The following GATA5 variants were observed in gnomAD, a reference collection of about 807,000 sequenced individuals.
The protein encoded by GATA5 is transcription factor GATA-5.
Under a neutral mutation model 35.0 loss-of-function variants are expected in GATA5, and 27 were observed. The ratio of observed to expected loss-of-function variants is 0.77; its 90% CI spans 0.57 to 1.06. The LOEUF (loss-of-function observed/expected upper bound fraction) is 1.06, where lower values mean the gene tolerates loss of function less well. GATA5 is among the 50% of genes least tolerant of loss of function. The pLI is 0.00. For synonymous variants in GATA5, 306 were observed against 267.8 expected, an observed-to-expected ratio of 1.14 and a Z score of -1.39; for missense variants, 612 against 580.0, an observed-to-expected ratio of 1.06 and a Z score of -0.57.
At chr20:62,468,825 C>A (rs1360829408) in intron 3 of GATA5, among the ~76,000 whole-genome samples, 3 of 152,232 alleles carry the variant, frequency 2.0e-5, no homozygotes, top group Non-Finnish European at 2.9e-5. Flanking sequence ...CAGGCCCCAG[C>A]AGAGCTGGGA....
In GATA5 at chr20:62,470,896, C is replaced by T. The variant is rs1176201965; in HGVS notation, c.699+2507G>A. ...AACAGGGTCCTCCCCCAGGAGGCAC[C>T]CCAAAGCCCACCCTGTCTACCCCAG... On this transcript the variant is annotated intron_variant, in intron 3 of 6. Transcript: ENST00000252997. This position sits in a 1 kb window ranked among gnomAD's most constrained non-coding sequence, Gnocchi z 4.6. 2.0e-5 allele frequency among the ~76,000 whole-genome samples: 3 copies of T among 152,276 alleles called. No individual in the cohort carries two copies. In the East Asian group the frequency reaches 5.8e-4, roughly 29 times the overall value.
Position 62,475,044 on chromosome 20 carries a change from C to A in GATA5, c.478G>T (p.Asp160Tyr). ...GGGAGGCCGTGCAGGACGCTGCCAT[C>A]GAAGGGCCCGGCAGTCCAGGACTGG... ...VAQSWTAGPF[D>Y]GSVLHGLPGR... The change falls in exon 2 of 7, where the codon GAT becomes TAT. Residue 160 changes from aspartate to tyrosine, a missense_variant. Physicochemically the swap from Asp to Tyr is radical, Grantham distance 160 (BLOSUM62 -3). Coordinates refer to ENST00000252997, the MANE Select transcript of GATA5 (RefSeq NM_080473.5). 2 of 1,405,156 alleles carry A rather than the reference C, an allele frequency of 1.4e-6. No individual in the cohort carries two copies. The highest frequency in any genetic ancestry group is 1.9e-6 in the Non-Finnish European group (2 of 1,073,822). The allele number at this position is 1,405,156 out of a possible 1,614,324, so 87.0% of individuals were successfully genotyped here.
Position 62,475,438 on chromosome 20 carries a change from G to C in GATA5, c.84C>G (p.Ala28=), listed in dbSNP as rs1989834810. Residue 28 remains alanine (A), a synonymous_variant, in exon 2 of 7, where the codon GCC becomes GCG. Transcript: ENST00000252997. ...DSGSFLHAPG[A]GSPMFVPPAR... is the part of the protein sequence containing the mutation. The stretch of plus-strand genomic sequence containing the variant: ...CCGGCGGCACAAACATCGGAGAGCC[G>C]GCGCCCGGAGCGTGCAGGAAGGAGC... 2 of 1,357,802 alleles carry C rather than the reference G, an allele frequency of 1.5e-6. No homozygotes were observed. Among genetic ancestry groups the C allele is most frequent in the South Asian group, 1.9e-5 (1 of 52,320 alleles). The allele number at this position is 1,357,802 out of a possible 1,614,324, so 84.1% of individuals were successfully genotyped here.
intron 4 of GATA5, 78 bp from the exon 5 acceptor site, chr20:62,465,999 A>G: frequency 1.0e-6 from 1 of 994,108 alleles, no homozygotes. Context: ...CCCTCATTCC[A>G]GCCCCCCAGA....
At position 62,466,538 on chromosome 20, in the gene GATA5, C is replaced by T. The variant is rs782042308; in HGVS notation, c.713G>A (p.Arg238His). 17 of 1,553,048 alleles carry T rather than the reference C, an allele frequency of 1.1e-5. No individual in the cohort carries two copies. The highest frequency in any genetic ancestry group is 5.9e-5 in the South Asian group (5 of 84,350). The change falls in exon 4 of 7, where the codon CGC becomes CAC. Residue 238 changes from arginine (R) to histidine (H), a missense_variant. Arg to His is a conservative substitution (Grantham distance 29, BLOSUM62 0). Transcript: ENST00000252997. ...GCAGTTGGTGCAGCAGAGGCCGGCG[C>T]GGCGGGACGAGGACTGTGGGGGCGA... The part of the protein sequence containing the change: ...RPQKRLSSSR[R>H]AGLCCTNCHT...
intron 3 of GATA5, among the ~76,000 whole-genome samples, chr20:62,471,228 C>T (rs192438667): frequency 6.8e-4 from 103 of 152,034 alleles, no homozygotes; most frequent in African/African-American, 2.4e-3. Context: ...CAGAGTGTCC[C>T]GGTGCTCAGT....
chr20:62,468,146 C>T (rs1389377424), intron 3 of GATA5, among the ~76,000 whole-genome samples: 4 of 143,026 alleles, frequency 2.8e-5, no homozygotes, highest in East Asian at 2.0e-4. Flanking sequence ...TCGGCTTCCC[C>T]GTCTGTTACA....
At chr20:62,465,987 C>A in intron 4 of GATA5, 66 bp from the exon 5 acceptor site, 2 of 1,115,592 alleles carry the variant, frequency 1.8e-6, no homozygotes, top group Non-Finnish European at 2.6e-6. Flanking sequence ...TTGCACAGCA[C>A]CCCCTCATTC....
In GATA5 at chr20:62,475,091, G is replaced by A. The variant is rs2146490209; in HGVS notation, c.431C>T (p.Ala144Val). Residue 144 changes from alanine to valine, a missense_variant, in exon 2 of 7, where the codon GCC becomes GTC. Transcript: ENST00000252997. ...VGTSYSATYP[A>V]YVSPDVAQSW... ...CTGGGCCACGTCGGGGCTCACGTAGGCCGGGTAGGTGGCGGAGTACGAGGT... is the reference window on the plus strand; with the variant it reads ...CTGGGCCACGTCGGGGCTCACGTAGACCGGGTAGGTGGCGGAGTACGAGGT... 4 of 1,407,478 alleles carry A rather than the reference G, an allele frequency of 2.8e-6. No individual in the cohort carries two copies. The highest frequency in any genetic ancestry group is 3.1e-5 in the South Asian group (2 of 64,798). The allele number at this position is 1,407,478 out of a possible 1,614,324, so 87.2% of individuals were successfully genotyped here. A position where few individuals can be genotyped will look rare whatever the true frequency, so the allele number is the denominator to read the frequency against.
chr20:62,466,904 C>T (rs1168974849), intron 3 of GATA5, among the ~76,000 whole-genome samples: 1 of 152,232 alleles, frequency 6.6e-6, no homozygotes, highest in Non-Finnish European at 1.5e-5. Context: ...CGCGGTTCTG[C>T]AGTGCAGCAG....
intron 3 of GATA5, 116 bp from the exon 4 acceptor site, chr20:62,466,667 G>C (rs539360544): frequency 8.1e-7 from 1 of 1,229,326 alleles, no homozygotes; most frequent in Non-Finnish European, 1.1e-6. Flanking sequence ...TGAGAAGGTC[G>C]TGAGCTCTGC....
chr20:62,473,704 C>T (rs1989780862), intron 2 of GATA5, 126 bp from the exon 3 acceptor site: 1 of 777,768 alleles, frequency 1.3e-6, no homozygotes, highest in East Asian at 2.7e-5. Flanking sequence ...ACTTAAGGCA[C>T]AAATCTTGTG....
In GATA5 at chr20:62,466,447, G is replaced by T. The variant is rs986848948; in HGVS notation, c.804C>A (p.Gly268=). ...TCACCCCGTGCAGCTTCATGTAGAG[G>T]CCGCAGGCATTGCACACGGGCTCCC... ...SEGEPVCNAC[G]LYMKLHGVPR... is the part of the protein sequence containing the mutation. Residue 268 remains glycine, a synonymous_variant, in exon 4 of 7, where the codon GGC becomes GGA. Coordinates refer to ENST00000252997, the MANE Select transcript of GATA5 (RefSeq NM_080473.5). 1.3e-6 allele frequency: 2 copies of T among 1,585,402 alleles called. No homozygotes were observed. The highest frequency in any genetic ancestry group is 1.3e-5 in the African/African-American group (1 of 74,420).
intron 2 of GATA5, 103 bp from the exon 3 acceptor site, chr20:62,473,681 G>A (rs1472051176): frequency 6.7e-5 from 73 of 1,085,422 alleles, no homozygotes; most frequent in Admixed American, 5.7e-5. Flanking sequence ...GGCGGCTTTC[G>A]TCAGACGAAT....
At chr20:62,472,760 C>T (rs1249196492) in intron 3 of GATA5, among the ~76,000 whole-genome samples, 5 of 152,332 alleles carry the variant, frequency 3.3e-5, no homozygotes, top group East Asian at 1.9e-4. Context: ...GTCCAGGCTC[C>T]GGAGTCCCCC....
In GATA5 at chr20:62,464,969, G is replaced by C; in HGVS notation, c.1061C>G (p.Ser354Cys). Residue 354 changes from serine (S) to cysteine (C), a missense_variant, in exon 7 of 7, where the codon TCT becomes TGT. Transcript: ENST00000252997. ...APQASGQEDD[S>C]LAPGHLEFKF... ...GAACTCCAAGTGGCCGGGGGCAAGA[G>C]AGTCATCCTCCTGGCCAGAGGCCTG... 6.7e-7 allele frequency: 1 copy of C among 1,495,296 alleles called. No homozygotes were observed. The allele number at this position is 1,495,296 out of a possible 1,614,324, so 92.6% of individuals were successfully genotyped here. A position where few individuals can be genotyped will look rare whatever the true frequency, so the allele number is the denominator to read the frequency against.
At chr20:62,473,359 G>T (rs1223502939) in intron 3 of GATA5, 44 bp downstream of exon 3, 2 of 1,568,196 alleles carry the variant, frequency 1.3e-6, no homozygotes, top group Non-Finnish European at 1.7e-6. Flanking sequence ...GTCCCCTCGG[G>T]GGAGCACTGC....
intron 2 of GATA5, among the ~76,000 whole-genome samples, chr20:62,474,325 G>A (rs1318472333): frequency 1.3e-5 from 2 of 152,206 alleles, no homozygotes; most frequent in Non-Finnish European, 2.9e-5. Flanking sequence ...GGGGGTGGGC[G>A]CCAGCAGCCG....
rs531578994 is a variant in GATA5, at chr20:62,464,626, G to C, written c.*210C>G. On this transcript the variant is annotated 3_prime_UTR_variant, in exon 7 of 7. Coordinates refer to ENST00000252997, the MANE Select transcript of GATA5 (RefSeq NM_080473.5). ...CTTGCTGTACGTGGGGTGGGAAGCTGAGCCCTTCCCTCACCAGCCTTCTTG... is the reference window on the plus strand; with the variant it reads ...CTTGCTGTACGTGGGGTGGGAAGCTCAGCCCTTCCCTCACCAGCCTTCTTG... 3 of 457,596 alleles carry C rather than the reference G, an allele frequency of 6.6e-6. No homozygotes were observed. The South Asian group carries it at 1.4e-4, about 21-fold the overall frequency. 28.3% of individuals were successfully genotyped at this position (457,596 alleles called of 1,614,324 possible).
Sources: gnomAD v4.1 joint callset for allele counts (sites outside exome capture counted in the v4.1 genomes callset) on GRCh38, gnomAD v4.1.1 for gene constraint, Gnocchi (gnomAD v3.1) non-coding constraint, MANE v1.5 for transcripts, NCBI Gene and HGNC (gene_info 2026-07-23, HGNC 2026-07-21) for gene names.